ELOVL6: variants seen among roughly 807,000 people sequenced by gnomAD.
The protein encoded by ELOVL6 is ELOVL fatty acid elongase 6.
ELOVL6 carries 8 observed loss-of-function variants against 31.7 expected under a neutral mutation model. The ratio of observed to expected loss-of-function variants is 0.25; its 90% CI spans 0.15 to 0.45. The LOEUF (loss-of-function observed/expected upper bound fraction) is 0.45, where lower values mean the gene tolerates loss of function less well. Among genes scored for constraint, ELOVL6 ranks in the 20% least tolerant of loss-of-function variants. The pLI, the probability that ELOVL6 is intolerant of heterozygous loss-of-function variation, is 1.00. For missense variants in ELOVL6, 126 were observed against 326.4 expected (o/e 0.39, Z 4.73); for synonymous variants, 101 against 117.7 (o/e 0.86, Z 0.92).
intron 1 of ELOVL6, among the ~76,000 whole-genome samples, chr4:110,187,965 T>A (rs532504292): frequency 1.3e-5 from 2 of 152,326 alleles, no homozygotes; most frequent in African/African-American, 4.8e-5. Flanking sequence ...TACCTTAGAA[T>A]CAGGAAAAGA....
chr4:110,078,524 C>A (rs1293293691), intron 2 of ELOVL6, among the ~76,000 whole-genome samples: 5 of 152,144 alleles, frequency 3.3e-5, no homozygotes, highest in African/African-American at 1.2e-4. Flanking sequence ...AAATACTTTA[C>A]AGACAAGCAA....
intron 1 of ELOVL6, among the ~76,000 whole-genome samples, chr4:110,181,691 G>A (rs1016963388): frequency 1.3e-5 from 2 of 152,202 alleles, no homozygotes; most frequent in African/African-American, 4.8e-5. Context: ...TACTTTCTGT[G>A]TACTGAAAGG....
At chr4:110,086,303 T>C (rs1756262065) in intron 2 of ELOVL6, among the ~76,000 whole-genome samples, 1 of 152,138 alleles carries the variant, frequency 6.6e-6, no homozygotes, top group African/African-American at 2.4e-5. Flanking sequence ...ACTTCTTTCA[T>C]CCCAAAATAG....
intron 2 of ELOVL6, among the ~76,000 whole-genome samples, chr4:110,062,488 C>T (rs889236289): frequency 2.6e-5 from 4 of 152,214 alleles, no homozygotes; most frequent in Admixed American, 1.3e-4. Context: ...CTCTGCCCCT[C>T]GCACATTTCA....
At chr4:110,083,997 C>G (rs1238135986) in intron 2 of ELOVL6, among the ~76,000 whole-genome samples, 7 of 42,776 alleles carry the variant, frequency 1.6e-4, no homozygotes, top group East Asian at 1.2e-3. Context: ...CGATATATAA[C>G]ATATGCCATA....
chr4:110,081,374 G>A (rs1755841895), intron 2 of ELOVL6, among the ~76,000 whole-genome samples: 1 of 152,166 alleles, frequency 6.6e-6, no homozygotes, highest in Non-Finnish European at 1.5e-5. Flanking sequence ...AAAACAGCAT[G>A]GTACTGGTAC....
intron 1 of ELOVL6, among the ~76,000 whole-genome samples, chr4:110,189,592 C>CAAAA (rs761765202): frequency 5.3e-4 from 40 of 75,300 alleles, no homozygotes; most frequent in South Asian, 1.3e-3. Context: ...GACTCTGTCT[C>CAAAA]AAAAAAAAAA....
chr4:110,054,073 G>T (rs1270334072), intron 3 of ELOVL6, among the ~76,000 whole-genome samples: 1 of 152,140 alleles, frequency 6.6e-6, no homozygotes, highest in Non-Finnish European at 1.5e-5. Context: ...TGCACTCTAG[G>T]CCTGGGCAAC....
intron 1 of ELOVL6, among the ~76,000 whole-genome samples, chr4:110,165,625 C>G (rs545835037): frequency 6.6e-6 from 1 of 152,214 alleles, no homozygotes; most frequent in African/African-American, 2.4e-5. Flanking sequence ...GTAGCATGGT[C>G]TCAGGAGCTG....
Position 110,105,555 on chromosome 4 carries a change from C to T in ELOVL6, c.163G>A (p.Ala55Thr). The change falls in exon 2 of 4, where the codon GCA (alanine) becomes ACA (threonine). Residue 55 changes from alanine (A) to threonine (T), a missense_variant. By Grantham distance (58) the Ala-to-Thr change is moderately conservative (BLOSUM62 0). Around this residue, in one of 3 missense-constraint regions of ELOVL6, gnomAD observed 53 missense variants for 193.4 expected, o/e 0.27. Coordinates refer to ENST00000302274, the MANE Select transcript of ELOVL6 (RefSeq NM_024090.3). ...FGGRHLMNKR[A>T]KFELRKPLVL... ...AATGGCTTCCTCAGTTCAAACTTTG[C>T]TCGTTTATTCATTAGGTGCCGACCA... 2 of 1,613,804 alleles carry T rather than the reference C, an allele frequency of 1.2e-6. No individual in the cohort carries two copies. Among genetic ancestry groups the T allele is most frequent in the Non-Finnish European group, 1.7e-6 (2 of 1,179,784 alleles).
At chr4:110,053,575 C>T (rs1312100284) in intron 3 of ELOVL6, among the ~76,000 whole-genome samples, 2 of 152,088 alleles carry the variant, frequency 1.3e-5, no homozygotes, top group Non-Finnish European at 2.9e-5. Context: ...GAGGCCAAGG[C>T]GGGGGGATCA....
intron 2 of ELOVL6, among the ~76,000 whole-genome samples, chr4:110,071,622 C>G (rs62325296): frequency 0.19 from 28,416 of 152,020 alleles, 2,821 homozygotes; most frequent in African/African-American, 0.25. Flanking sequence ...CTGGCTCCCC[C>G]TCTCCCGCCC....
In ELOVL6 at chr4:110,051,650, C is replaced by T. The variant is rs1251498464; in HGVS notation, c.486G>A (p.Gly162=). The T allele has an allele frequency of 1.2e-6, 2 of 1,614,080 alleles. No individual in the cohort carries two copies. The highest frequency in any genetic ancestry group is 3.3e-5 in the Admixed American group (2 of 60,010). ...AGTTCATAGTCATGAACCAACCTCCCCCGGCAACCATGTCTTTGTAGGAGT... is the reference window on the plus strand; with the variant it reads ...AGTTCATAGTCATGAACCAACCTCCTCCGGCAACCATGTCTTTGTAGGAGT... ...SWYSYKDMVA[G]GGWFMTMNYG... The change falls in exon 4 of 4, where the codon GGG becomes GGA. Residue 162 remains glycine (G), a synonymous_variant. Transcript: ENST00000302274. The surrounding 1 kb of genome is among the most constrained non-coding windows in gnomAD (Gnocchi z 4.8).
rs1032974841 is a variant in ELOVL6 at position 110,143,817 on chromosome 4, A to G, written c.90-38189T>C. On this transcript the variant is annotated intron_variant, in intron 1 of 3. Transcript: ENST00000302274. ...ACGCCTGTAATCCCAGCACTTTGGG[A>G]GGCTGAGGCGGGTGGATCACCTGAG... is the stretch of plus-strand genomic sequence containing the variant. 5.9e-5 allele frequency among the ~76,000 whole-genome samples: 9 copies of G among 152,294 alleles called. No homozygotes were observed. In the East Asian group the frequency reaches 1.7e-3, roughly 29 times the overall value.
chr4:110,104,257 T>G (rs2126245895), intron 2 of ELOVL6, among the ~76,000 whole-genome samples: 1 of 152,322 alleles, frequency 6.6e-6, no homozygotes, highest in South Asian at 2.1e-4. Context: ...TCTGTCAACC[T>G]TAAATGTAAA....
At chr4:110,081,212 T>A (rs1327332823) in intron 2 of ELOVL6, among the ~76,000 whole-genome samples, 1 of 152,128 alleles carries the variant, frequency 6.6e-6, no homozygotes, top group Non-Finnish European at 1.5e-5. Flanking sequence ...AAGCTACCAA[T>A]GATTTTCTTC....
chr4:110,161,050 G>A (rs1306275972), intron 1 of ELOVL6, among the ~76,000 whole-genome samples: 1 of 152,106 alleles, frequency 6.6e-6, no homozygotes, highest in African/African-American at 2.4e-5. Context: ...TTGTAATGGT[G>A]GTAGAGAGGT....
intron 2 of ELOVL6, among the ~76,000 whole-genome samples, chr4:110,090,600 C>CTTTTTTGTTTTTTTTTTTTTTTTTTT (rs1553956743): frequency 2.9e-5 from 3 of 103,714 alleles, no homozygotes; most frequent in African/African-American, 4.3e-5. Flanking sequence ...GTTTGACTTT[C>CTTTTTTGTTTTTTTTTTTTTTTTTTT]TTTTTTTTTT....
At chr4:110,106,292 T>G (rs1165133661) in intron 1 of ELOVL6, among the ~76,000 whole-genome samples, 18 of 152,142 alleles carry the variant, frequency 1.2e-4, no homozygotes, top group Admixed American at 1.2e-3. Context: ...AGGCAGAGGT[T>G]GCAATGAGCT....
Sources: allele counts gnomAD v4.1 joint callset (sites outside exome capture counted in the v4.1 genomes callset), GRCh38; gene constraint gnomAD v4.1.1; regional missense constraint gnomAD v4.1.1; non-coding constraint Gnocchi (gnomAD v3.1); transcripts MANE v1.5; gene names NCBI Gene and HGNC (gene_info 2026-07-23, HGNC 2026-07-21).